Variants in YAF2 observed in about 807,000 individuals in gnomAD.
YAF2 encodes YY1-associated factor 2.
In YAF2, 7 loss-of-function variants were observed where a neutral mutation model predicts 20.1. That is an observed-to-expected ratio of 0.35 (90% CI 0.20 to 0.65). The LOEUF (loss-of-function observed/expected upper bound fraction) is 0.65. YAF2 is among the 30% of genes least tolerant of loss of function. YAF2 has a pLI of 0.69. For missense variants in YAF2, 151 were observed against 219.2 expected (o/e 0.69, Z 1.96); for synonymous variants, 74 against 76.0 (o/e 0.97, Z 0.14).
At chr12:42,191,622 C>T (rs956764733) in intron 2 of YAF2, among the ~76,000 whole-genome samples, 5 of 152,234 alleles carry the variant, frequency 3.3e-5, no homozygotes, top group African/African-American at 1.2e-4. Context: ...TTGCTATACA[C>T]TTATTTTACA....
intron 2 of YAF2, among the ~76,000 whole-genome samples, chr12:42,202,969 A>G (rs1286000270): frequency 2.0e-5 from 3 of 152,046 alleles, no homozygotes; most frequent in Non-Finnish European, 4.4e-5. Flanking sequence ...TCATCTTGAC[A>G]TCCAACAGAG....
At chr12:42,168,964 TCA>T (rs1381931491) in intron 2 of YAF2, among the ~76,000 whole-genome samples, 7 of 152,144 alleles carry the variant, frequency 4.6e-5, no homozygotes, top group African/African-American at 1.7e-4. Flanking sequence ...TATACTCCTT[TCA>T]CAGACATAGA....
chr12:42,213,145 C>T (rs957003046), intron 2 of YAF2, among the ~76,000 whole-genome samples: 4 of 152,230 alleles, frequency 2.6e-5, no homozygotes, highest in African/African-American at 7.2e-5. Flanking sequence ...AGATATCTTG[C>T]TCTGGGGCAA....
chr12:42,170,673 T>TAC lies in YAF2; in HGVS notation c.153-8909_153-8908insGT, dbSNP rs764667495. On this transcript the variant is annotated intron_variant, in intron 2 of 3. Coordinates refer to ENST00000534854, the MANE Select transcript of YAF2 (RefSeq NM_005748.6). ...AAAAACAAACAAACAAACAAAAAACTATACACACACACACACACACAAATT... is the reference window on the plus strand; with the variant it reads ...AAAAACAAACAAACAAACAAAAAACTACATACACACACACACACACACAAATT... Among the ~76,000 whole-genome samples the TAC allele has an allele frequency of 5.2e-3, 791 of 150,880 alleles. 6 individuals carry two copies. Among genetic ancestry groups the TAC allele is most frequent in the African/African-American group, 0.015 (593 of 40,566 alleles).
intron 2 of YAF2, among the ~76,000 whole-genome samples, chr12:42,214,386 C>T (rs971033605): frequency 6.6e-6 from 1 of 152,172 alleles, no homozygotes; most frequent in Non-Finnish European, 1.5e-5. Context: ...ATTCTCTTAC[C>T]TCAGCCTTCC....
chr12:42,163,163 C>T (rs1160959313), intron 2 of YAF2, among the ~76,000 whole-genome samples: 3 of 151,746 alleles, frequency 2.0e-5, no homozygotes, highest in Non-Finnish European at 4.4e-5. Context: ...GGGGACCACA[C>T]TTTAAAAAAA....
chr12:42,186,157 T>C (rs961369353), intron 2 of YAF2, among the ~76,000 whole-genome samples: 1 of 121,998 alleles, frequency 8.2e-6, no homozygotes, highest in African/African-American at 3.3e-5. Context: ...GCCACTGTAC[T>C]CCAGCCTGGG....
chr12:42,177,168 T>C (rs1204617806), intron 2 of YAF2, among the ~76,000 whole-genome samples: 2 of 152,164 alleles, frequency 1.3e-5, no homozygotes, highest in African/African-American at 4.8e-5. Flanking sequence ...CCAAAATTAT[T>C]GCTCTAGTCC....
At chr12:42,187,438 C>T (rs1161189156) in intron 2 of YAF2, among the ~76,000 whole-genome samples, 1 of 152,000 alleles carries the variant, frequency 6.6e-6, no homozygotes, top group Non-Finnish European at 1.5e-5. Flanking sequence ...GGGATTACAG[C>T]CCACCTTGTT....
intron 2 of YAF2, among the ~76,000 whole-genome samples, chr12:42,175,876 T>C (rs796711790): frequency 1.5e-4 from 23 of 151,608 alleles, no homozygotes; most frequent in African/African-American, 5.3e-4. Context: ...AATTGATCTA[T>C]ACACAGATAT....
At chr12:42,211,260 C>T (rs1205968828) in intron 2 of YAF2, among the ~76,000 whole-genome samples, 2 of 151,546 alleles carry the variant, frequency 1.3e-5, no homozygotes, top group East Asian at 3.9e-4. Context: ...AACCTCGTCT[C>T]TACTGAAAAT....
chr12:42,160,854 C>T (rs762564691), intron 3 of YAF2, 28 bp from the exon 4 acceptor site: 1 of 1,564,512 alleles, frequency 6.4e-7, no homozygotes, highest in South Asian at 1.2e-5. Context: ...AAATTTTAAA[C>T]TAGCTTTTCC....
chr12:42,222,356 T>C (rs965386974), intron 2 of YAF2, among the ~76,000 whole-genome samples: 1 of 152,182 alleles, frequency 6.6e-6, no homozygotes, highest in African/African-American at 2.4e-5. Context: ...AAACCTTTCA[T>C]TCAACTAGGA....
At chr12:42,162,899 T>G (rs533669025) in intron 2 of YAF2, among the ~76,000 whole-genome samples, 1 of 152,252 alleles carries the variant, frequency 6.6e-6, no homozygotes, top group South Asian at 2.1e-4. Context: ...AAAATAGGAC[T>G]GACATAGAGT....
intron 2 of YAF2, among the ~76,000 whole-genome samples, chr12:42,227,537 T>C (rs1339853577): frequency 3.4e-5 from 5 of 145,340 alleles, no homozygotes; most frequent in Non-Finnish European, 7.5e-5. Context: ...CGAGACCCCG[T>C]CTGGGAGGTG....
chr12:42,175,740 CAAA>C (rs59476115), intron 2 of YAF2, among the ~76,000 whole-genome samples: 349 of 44,914 alleles, frequency 7.8e-3, no homozygotes, highest in Middle Eastern at 0.052. Flanking sequence ...GACTCTGTCT[CAAA>C]AAAAAAAAAA....
intron 2 of YAF2, chr12:42,232,684 G>A (rs1291754530): frequency 1.0e-6 from 1 of 985,232 alleles, no homozygotes; most frequent in Non-Finnish European, 1.2e-6. Context: ...AGAAGAATCA[G>A]TGCCAAACCT....
intron 2 of YAF2, 41 bp downstream of exon 2, chr12:42,237,558 C>T: frequency 1.3e-6 from 2 of 1,483,718 alleles, no homozygotes; most frequent in Non-Finnish European, 9.0e-7. Flanking sequence ...CTGGTCGCCA[C>T]CCCGCCGGCC....
At chr12:42,166,690 T>C (rs1489478957) in intron 2 of YAF2, among the ~76,000 whole-genome samples, 1 of 152,186 alleles carries the variant, frequency 6.6e-6, no homozygotes, top group Non-Finnish European at 1.5e-5. Flanking sequence ...TCAACATCAC[T>C]ACAATTTTGG....
Sources: gnomAD v4.1 joint callset for allele counts (sites outside exome capture counted in the v4.1 genomes callset) on GRCh38, gnomAD v4.1.1 for gene constraint, MANE v1.5 for transcripts, NCBI Gene and HGNC (gene_info 2026-07-23, HGNC 2026-07-21) for gene names.